The following TNPO1 variants were observed in gnomAD, a reference collection of about 807,000 sequenced individuals.
TNPO1 encodes transportin-1.
In TNPO1, 8 loss-of-function variants were observed where a neutral mutation model predicts 119.5. That is an observed-to-expected ratio of 0.07 (90% CI 0.04 to 0.12). The LOEUF is 0.12. Among genes scored for constraint, TNPO1 ranks in the 10% least tolerant of loss-of-function variants. TNPO1 has a pLI of 1.00. For missense variants in TNPO1, 576 were observed against 1,089.8 expected (o/e 0.53, Z 6.64); for synonymous variants, 362 against 363.0 (o/e 1.00, Z 0.03).
chr5:72,896,067 C>T (rs1749406983), intron 18 of TNPO1, among the ~76,000 whole-genome samples: 1 of 151,936 alleles, frequency 6.6e-6, no homozygotes, highest in Admixed American at 6.6e-5. Context: ...ACAATCAGAG[C>T]ACAAGAGTGA....
intron 1 of TNPO1, among the ~76,000 whole-genome samples, chr5:72,821,369 G>C (rs923843013): frequency 5.3e-5 from 8 of 152,262 alleles, no homozygotes; most frequent in African/African-American, 1.9e-4. Context: ...AATTAAGGAA[G>C]AGAAGTATTT....
chr5:72,898,708 A>G (rs1749616991), intron 20 of TNPO1, among the ~76,000 whole-genome samples: 1 of 152,088 alleles, frequency 6.6e-6, no homozygotes. Flanking sequence ...ATGGACCATC[A>G]TCTGCTTTAT....
At chr5:72,848,038 G>C in intron 1 of TNPO1, 1 of 1,039,398 alleles carries the variant, frequency 9.6e-7, no homozygotes, top group Non-Finnish European at 1.2e-6. Flanking sequence ...TTAGAGATGG[G>C]TTGGGTTGGA....
intron 1 of TNPO1, among the ~76,000 whole-genome samples, chr5:72,843,885 T>A (rs2112225607): frequency 6.6e-6 from 1 of 152,346 alleles, no homozygotes; most frequent in Non-Finnish European, 1.5e-5. Context: ...TATTGTACTT[T>A]ACCATATACT....
intron 1 of TNPO1, among the ~76,000 whole-genome samples, chr5:72,819,595 A>G (rs1442232923): frequency 6.6e-6 from 1 of 152,254 alleles, no homozygotes; most frequent in African/African-American, 2.4e-5. Context: ...TAATCCAAAA[A>G]GACACTCCAT....
chr5:72,818,262 C>T (rs1743789820), intron 1 of TNPO1, among the ~76,000 whole-genome samples: 2 of 152,172 alleles, frequency 1.3e-5, no homozygotes, highest in African/African-American at 4.8e-5. Flanking sequence ...TGCACTTCTA[C>T]CTCAACTCTC....
chr5:72,846,290 TA>T (rs1745125205), intron 1 of TNPO1, among the ~76,000 whole-genome samples: 2 of 152,172 alleles, frequency 1.3e-5, no homozygotes, highest in Non-Finnish European at 2.9e-5. Context: ...TTGAACAAAT[TA>T]TGCTCTATCC....
In TNPO1 at chr5:72,897,618, AT is replaced by A. The variant is rs201571251; in HGVS notation, c.2338+477del. ...GGGAATTTAGGCAGTATGTTATGGG[AT>A]TTTTTTTTTAATTTATTTTTTTTTT... On this transcript the variant is annotated intron_variant, in intron 20 of 24. Transcript: ENST00000337273. Among the ~76,000 whole-genome samples the A allele has an allele frequency of 3.1e-3, 455 of 144,836 alleles. 2 individuals carry two copies. The highest frequency in any genetic ancestry group is 0.011 in the African/African-American group (424 of 39,366).
intron 1 of TNPO1, among the ~76,000 whole-genome samples, chr5:72,827,420 G>C (rs1022711354): frequency 7.2e-5 from 11 of 152,116 alleles, no homozygotes. Flanking sequence ...TCAGACAATG[G>C]GTTATAAGGG....
intron 24 of TNPO1, among the ~76,000 whole-genome samples, chr5:72,906,293 T>C (rs1359557311): frequency 2.8e-4 from 34 of 119,606 alleles, no homozygotes; most frequent in East Asian, 7.1e-4. Flanking sequence ...TTTTTTTTTT[T>C]TTTTTTTTTT....
chr5:72,857,737 C>T (rs534027498), intron 4 of TNPO1, among the ~76,000 whole-genome samples: 17 of 152,310 alleles, frequency 1.1e-4, no homozygotes, highest in Admixed American at 2.6e-4. Flanking sequence ...AACTGTATTT[C>T]ATTATAAACC....
At chr5:72,843,693 A>AT (rs1410258021) in intron 1 of TNPO1, among the ~76,000 whole-genome samples, 2 of 152,112 alleles carry the variant, frequency 1.3e-5, no homozygotes, top group African/African-American at 4.8e-5. Flanking sequence ...GTTGTTTACC[A>AT]TTTTGGGAAA....
chr5:72,891,539 T>A (rs1041883870), intron 14 of TNPO1, among the ~76,000 whole-genome samples: 2 of 152,202 alleles, frequency 1.3e-5, no homozygotes, highest in African/African-American at 4.8e-5. Flanking sequence ...GCTGTGTGTT[T>A]ATTGATAGAC....
chr5:72,903,730 G>T lies in TNPO1; in HGVS notation c.2536G>T (p.Ala846Ser). The T allele has an allele frequency of 6.2e-7, 1 of 1,604,352 alleles. No homozygotes were observed. Among genetic ancestry groups the T allele is most frequent in the Non-Finnish European group, 8.5e-7 (1 of 1,175,894 alleles). ...ACAGGATTTTATATTTTTTTGTGAT[G>T]CCGTTGCATCATGGATTAACCCAAA... ...VIQDFIFFCD[A>S]VASWINPKDD... Residue 846 changes from alanine to serine, a missense_variant, in exon 23 of 25, where the codon GCC (alanine) becomes TCC (serine). Ala to Ser is a moderately conservative substitution (Grantham distance 99, BLOSUM62 1). Coordinates refer to ENST00000337273, the MANE Select transcript of TNPO1 (RefSeq NM_002270.4).
chr5:72,899,117 TA>T (rs996930056), intron 20 of TNPO1, among the ~76,000 whole-genome samples: 2 of 151,302 alleles, frequency 1.3e-5, no homozygotes, highest in South Asian at 2.1e-4. Context: ...TTCAAAATTG[TA>T]AAAAAAAATA....
At chr5:72,848,316 A>G in intron 1 of TNPO1, 69 bp from the exon 2 acceptor site, 1 of 1,450,974 alleles carries the variant, frequency 6.9e-7, no homozygotes, top group South Asian at 1.4e-5. Flanking sequence ...TGCGCGCGGG[A>G]AGCCTCTGGG....
chr5:72,902,077 A>G (rs978536941), intron 22 of TNPO1, among the ~76,000 whole-genome samples: 40 of 111,098 alleles, frequency 3.6e-4, no homozygotes, highest in African/African-American at 9.9e-4. Context: ...CTTCATCTGG[A>G]AAAAAAAAAA....
chr5:72,831,231 T>C (rs1380192901), intron 1 of TNPO1, among the ~76,000 whole-genome samples: 2 of 152,088 alleles, frequency 1.3e-5, no homozygotes, highest in African/African-American at 4.8e-5. Context: ...TAGAAGAATA[T>C]AGGCCCTCTT....
chr5:72,835,915 G>A (rs889105127), intron 1 of TNPO1, among the ~76,000 whole-genome samples: 4 of 152,204 alleles, frequency 2.6e-5, no homozygotes, highest in African/African-American at 4.8e-5. Context: ...CAAGACCCAC[G>A]AAGGCAAACA....
Sources: gnomAD v4.1 joint callset for allele counts (sites outside exome capture counted in the v4.1 genomes callset) on GRCh38, gnomAD v4.1.1 for gene constraint, MANE v1.5 for transcripts, NCBI Gene and HGNC (gene_info 2026-07-23, HGNC 2026-07-21) for gene names.